TMC5: variants seen among roughly 807,000 people sequenced by gnomAD.
The protein encoded by TMC5 is transmembrane channel-like protein 5.
TMC5 carries 86 observed loss-of-function variants against 110.5 expected under a neutral mutation model. The ratio of observed to expected loss-of-function variants is 0.78; its 90% CI spans 0.65 to 0.93. The LOEUF (loss-of-function observed/expected upper bound fraction) is 0.93, where lower values mean the gene tolerates loss of function less well. Ranked by LOEUF, TMC5 falls within the 40% of genes least tolerant of loss-of-function variation. TMC5 has a pLI of 0.00. For missense variants in TMC5, 1,144 were observed against 1,222.8 expected (o/e 0.94, Z 0.96); for synonymous variants, 455 against 439.5 (o/e 1.04, Z -0.44).
rs1045887515 is a variant in TMC5, at chr16:19,448,852, T to A, written c.959-690T>A. 7.6e-5 allele frequency among the ~76,000 whole-genome samples: 11 copies of A among 145,522 alleles called. No individual in the cohort carries two copies. In the South Asian group the frequency reaches 2.3e-3, roughly 31 times the overall value. On this transcript the variant is annotated intron_variant, in intron 4 of 21. Coordinates refer to ENST00000542583, the MANE Select transcript of TMC5 (RefSeq NM_001261841.2). ...TTATTTTTATATCATGTAGTTTATATGTATTTTTTTCTTTTTTTTTTTTTT... is the reference window on the plus strand; with the variant it reads ...TTATTTTTATATCATGTAGTTTATAAGTATTTTTTTCTTTTTTTTTTTTTT...
At chr16:19,468,984 C>T (rs1968256134) in intron 9 of TMC5, among the ~76,000 whole-genome samples, 1 of 152,014 alleles carries the variant, frequency 6.6e-6, no homozygotes, top group African/African-American at 2.4e-5. Flanking sequence ...ACAGCAAGAC[C>T]TCATCCCTAA....
At chr16:19,481,565 C>A in intron 15 of TMC5, 100 bp downstream of exon 15, 1 of 880,026 alleles carries the variant, frequency 1.1e-6, no homozygotes, top group Non-Finnish European at 1.9e-6. Context: ...TTTAAAGCTG[C>A]AGGGGTGATA....
intron 5 of TMC5, among the ~76,000 whole-genome samples, chr16:19,456,139 G>C (rs1967863354): frequency 6.6e-6 from 1 of 151,770 alleles, no homozygotes. Context: ...CCTGGGAGGT[G>C]GAGGTTACAG....
At chr16:19,415,206 T>C (rs1233210107), upstream of TMC5, among the ~76,000 whole-genome samples, 2 of 152,116 alleles carry the variant, frequency 1.3e-5, no homozygotes, top group African/African-American at 2.4e-5. Flanking sequence ...TGTAAAAATA[T>C]GGTATAGTTT....
intron 14 of TMC5, among the ~76,000 whole-genome samples, chr16:19,480,692 C>G (rs1348060160): frequency 6.6e-6 from 1 of 151,276 alleles, no homozygotes; most frequent in South Asian, 2.1e-4. Context: ...ATAATCCCAA[C>G]TACTTGGGAG....
chr16:19,461,537 G>A (rs1968022644), intron 6 of TMC5, among the ~76,000 whole-genome samples: 1 of 151,750 alleles, frequency 6.6e-6, no homozygotes, highest in Non-Finnish European at 1.5e-5. Context: ...TCACACCACT[G>A]CACTCCAGCC....
chr16:19,434,944 G>A (rs1012762587), intron 2 of TMC5, among the ~76,000 whole-genome samples: 1 of 152,084 alleles, frequency 6.6e-6, no homozygotes, highest in African/African-American at 2.4e-5. Flanking sequence ...CCAAGGGCTG[G>A]GTTCCCAACC....
chr16:19,433,258 A>C (rs529415799), intron 2 of TMC5, among the ~76,000 whole-genome samples: 5 of 152,314 alleles, frequency 3.3e-5, no homozygotes, highest in Non-Finnish European at 7.3e-5. Flanking sequence ...TCATGCAGGA[A>C]CCCGGGCTGG....
At chr16:19,433,407 C>T (rs929647050) in intron 2 of TMC5, among the ~76,000 whole-genome samples, 10 of 152,252 alleles carry the variant, frequency 6.6e-5, no homozygotes, top group African/African-American at 2.2e-4. Flanking sequence ...CCAAAGATAG[C>T]CATATGCGAT....
intron 15 of TMC5, among the ~76,000 whole-genome samples, chr16:19,486,628 T>C (rs1431745534): frequency 1.3e-5 from 2 of 149,342 alleles, no homozygotes; most frequent in African/African-American, 4.9e-5. Context: ...TCACCCCCTC[T>C]TGGCCTCCCA....
At chr16:19,497,896 TTC>T in intron 21 of TMC5, 22 bp from the exon 22 acceptor site, 1 of 1,613,060 alleles carries the variant, frequency 6.2e-7, no homozygotes, top group Non-Finnish European at 8.5e-7. Flanking sequence ...CTGCGTTAAC[TTC>T]TCTTTCCTGT....
chr16:19,457,723 T>C (rs1967920308), intron 5 of TMC5, among the ~76,000 whole-genome samples: 2 of 99,720 alleles, frequency 2.0e-5, no homozygotes, highest in Admixed American at 1.0e-4. Context: ...TTTTTTTTTT[T>C]TTTTTTTTTT....
chr16:19,430,842 C>T (rs1464065564), intron 2 of TMC5, among the ~76,000 whole-genome samples: 1 of 148,682 alleles, frequency 6.7e-6, no homozygotes, highest in Non-Finnish European at 1.5e-5. Flanking sequence ...CTTCTCTCCA[C>T]TCTCTGCAAT....
chr16:19,498,115 C>G lies in TMC5; in HGVS notation c.*149C>G, dbSNP rs1382079707. Reference sequence around the variant, plus strand: ...CGGAAACTGACTACCATGTAATTATCAAAGTAAAATTGGGCATTCCATGCT... The same window carrying G: ...CGGAAACTGACTACCATGTAATTATGAAAGTAAAATTGGGCATTCCATGCT... On this transcript the variant is annotated 3_prime_UTR_variant, in exon 22 of 22. Transcript: ENST00000542583. 1.4e-6 allele frequency: 1 copy of G among 714,918 alleles called. No individual in the cohort carries two copies. Among genetic ancestry groups the G allele is most frequent in the Non-Finnish European group, 2.4e-6 (1 of 419,916 alleles). 44.3% of individuals were successfully genotyped at this position (714,918 alleles called of 1,614,324 possible).
At chr16:19,460,770 C>G (rs1490013862) in intron 6 of TMC5, among the ~76,000 whole-genome samples, 1 of 152,164 alleles carries the variant, frequency 6.6e-6, no homozygotes, top group Non-Finnish European at 1.5e-5. Flanking sequence ...GAAGGATATT[C>G]TACAAAATAC....
intron 2 of TMC5, among the ~76,000 whole-genome samples, chr16:19,435,003 G>A (rs1396878001): frequency 1.3e-5 from 2 of 152,190 alleles, no homozygotes; most frequent in South Asian, 2.1e-4. Context: ...TTCAGGTAAC[G>A]TATATTCACC....
intron 1 of TMC5, among the ~76,000 whole-genome samples, chr16:19,418,389 T>C (rs2143335297): frequency 6.6e-6 from 1 of 152,292 alleles, no homozygotes; most frequent in African/African-American, 2.4e-5. Context: ...GTTTCTGGCC[T>C]TGGTTTCCTT....
chr16:19,485,965 A>C (rs1567325011), intron 15 of TMC5, among the ~76,000 whole-genome samples: 1 of 152,202 alleles, frequency 6.6e-6, no homozygotes, highest in Non-Finnish European at 1.5e-5. Flanking sequence ...GGGGCAAGGC[A>C]TGTGGGACAT....
At position 19,490,318 on chromosome 16, in the gene TMC5, A is replaced by G. The variant is rs544518544; in HGVS notation, c.2574-77A>G. On this transcript the variant is annotated intron_variant, in intron 17 of 21. Coordinates refer to ENST00000542583, the MANE Select transcript of TMC5 (RefSeq NM_001261841.2). ...CTTGATGTTTTCAGGCCCAGAGCCC[A>G]GAAGGGACACCCTGATTCTAGAATA... 26 of 1,466,984 alleles carry G rather than the reference A, an allele frequency of 1.8e-5. No homozygotes were observed. In the African/African-American group the frequency reaches 3.3e-4, roughly 19 times the overall value. 90.9% of individuals were successfully genotyped at this position (1,466,984 alleles called of 1,614,324 possible).
Sources: gnomAD v4.1 joint callset for allele counts (sites outside exome capture counted in the v4.1 genomes callset) on GRCh38, gnomAD v4.1.1 for gene constraint, MANE v1.5 for transcripts, NCBI Gene and HGNC (gene_info 2026-07-23, HGNC 2026-07-21) for gene names.